BTBD10: variants seen among roughly 807,000 people sequenced by gnomAD.
The protein encoded by BTBD10 is BTB/POZ domain-containing protein 10.
BTBD10 carries 21 observed loss-of-function variants against 53.2 expected under a neutral mutation model. The ratio of observed to expected loss-of-function variants is 0.39; its 90% CI spans 0.28 to 0.57. The LOEUF is 0.57. Among genes scored for constraint, BTBD10 ranks in the 20% least tolerant of loss-of-function variants. BTBD10 has a pLI of 0.53. For synonymous variants in BTBD10, 149 were observed against 192.7 expected (o/e 0.77, Z 1.88); for missense variants, 360 against 594.7 (o/e 0.61, Z 4.10).
chr11:13,415,753 A>G (rs1047860474), intron 5 of BTBD10, among the ~76,000 whole-genome samples: 1 of 151,902 alleles, frequency 6.6e-6, no homozygotes, highest in African/African-American at 2.4e-5. Context: ...CCTTCATTCA[A>G]TCCTGTAGTA....
chr11:13,406,785 T>A (rs1037635148), intron 6 of BTBD10, among the ~76,000 whole-genome samples: 2 of 151,646 alleles, frequency 1.3e-5, no homozygotes, highest in Non-Finnish European at 2.9e-5. Flanking sequence ...AAACACTATA[T>A]AATTAACATA....
chr11:13,451,072 T>C (rs1950848467), intron 1 of BTBD10, among the ~76,000 whole-genome samples: 1 of 151,986 alleles, frequency 6.6e-6, no homozygotes, highest in Admixed American at 6.6e-5. Flanking sequence ...CAGGTAGATG[T>C]AGTGGAAGTG....
intron 6 of BTBD10, among the ~76,000 whole-genome samples, chr11:13,408,443 T>C (rs7122965): frequency 0.034 from 5,181 of 152,316 alleles, 288 homozygotes; most frequent in African/African-American, 0.12. Context: ...CTAGAATCAA[T>C]CCTTTAATAC....
chr11:13,398,998 G>A (rs1949638286), intron 8 of BTBD10, among the ~76,000 whole-genome samples: 1 of 152,082 alleles, frequency 6.6e-6, no homozygotes, highest in African/African-American at 2.4e-5. Context: ...TTTCAACTTT[G>A]GTGAATCTGA....
chr11:13,425,087 A>G (rs1190116149), intron 2 of BTBD10, among the ~76,000 whole-genome samples: 1 of 152,200 alleles, frequency 6.6e-6, no homozygotes, highest in African/African-American at 2.4e-5. Context: ...ATGTGAGGAC[A>G]CTATGAAAAG....
chr11:13,405,912 T>G, intron 6 of BTBD10, 56 bp from the exon 7 acceptor site: 1 of 1,542,828 alleles, frequency 6.5e-7, no homozygotes, highest in Non-Finnish European at 8.9e-7. Flanking sequence ...AAGAGTTCTT[T>G]TAGAAATATA....
chr11:13,392,522 A>G lies in BTBD10; in HGVS notation c.1118-3381T>C, dbSNP rs535782730. ...CCATGAGTAAATTCTACTCTTTAAT[A>G]AAGAGTAAATTATACTCTTTATTAA... On this transcript the variant is annotated intron_variant, in intron 8 of 8. Transcript: ENST00000278174. Among the ~76,000 whole-genome samples, 31 of 152,306 alleles carry G rather than the reference A, an allele frequency of 2.0e-4. No individual in the cohort carries two copies. In the East Asian group the frequency reaches 5.2e-3, roughly 26 times the overall value.
Position 13,389,078 on chromosome 11 carries a change from T to C in BTBD10, c.1181A>G (p.Asn394Ser). The C allele has an allele frequency of 1.2e-6, 2 of 1,614,108 alleles. No homozygotes were observed. The highest frequency in any genetic ancestry group is 1.1e-5 in the South Asian group (1 of 91,082). The change falls in exon 9 of 9, where the codon AAC becomes AGC. Residue 394 changes from asparagine to serine, a missense_variant. This residue lies in a region of BTBD10 where 52 missense variants were observed against 180.4 expected (regional missense o/e 0.29). Transcript: ENST00000278174. ...TCGAATAAAGGGTCTTTGGACATAG[T>C]TGTAGATCACTTCTGGGCGGCCTCC... Reference protein sequence around the residue: ...RPGGRPEVIYNYVQRPFIRMS... With the variant: ...RPGGRPEVIYSYVQRPFIRMS...
chr11:13,452,437 T>A (rs986524938), intron 1 of BTBD10, among the ~76,000 whole-genome samples: 21 of 152,172 alleles, frequency 1.4e-4, no homozygotes, highest in African/African-American at 4.3e-4. Context: ...CAGAAAGAAA[T>A]AATTTTATTG....
chr11:13,424,557 T>C (rs1188406960), intron 2 of BTBD10, among the ~76,000 whole-genome samples: 3 of 152,176 alleles, frequency 2.0e-5, no homozygotes, highest in African/African-American at 7.2e-5. Flanking sequence ...ATAGTTAATA[T>C]GTACAAAAGA....
chr11:13,412,074 G>A (rs919785079), intron 6 of BTBD10, among the ~76,000 whole-genome samples: 2 of 151,974 alleles, frequency 1.3e-5, no homozygotes, highest in Non-Finnish European at 1.5e-5. Context: ...CAGGTGATCC[G>A]ACCGCCTCTG....
chr11:13,442,610 T>C (rs1354493739), intron 2 of BTBD10, among the ~76,000 whole-genome samples: 1 of 152,152 alleles, frequency 6.6e-6, no homozygotes, highest in Non-Finnish European at 1.5e-5. Context: ...TCAAGTCTCA[T>C]TTTCACCTAC....
chr11:13,437,204 A>G (rs985244619), intron 2 of BTBD10, among the ~76,000 whole-genome samples: 8 of 152,138 alleles, frequency 5.3e-5, no homozygotes, highest in Non-Finnish European at 2.9e-5. Context: ...CAGTTACTCT[A>G]CTCTTCCATT....
intron 6 of BTBD10, among the ~76,000 whole-genome samples, chr11:13,407,122 C>A (rs1949849042): frequency 6.6e-6 from 1 of 152,230 alleles, no homozygotes; most frequent in Admixed American, 6.5e-5. Flanking sequence ...AACATACTCA[C>A]CCCTAAGAAT....
At chr11:13,397,170 A>C (rs944679565) in intron 8 of BTBD10, among the ~76,000 whole-genome samples, 51 of 152,262 alleles carry the variant, frequency 3.3e-4, no homozygotes, top group Admixed American at 7.2e-4. Flanking sequence ...CCATCTGGTC[A>C]TGGACTTTTT....
intron 2 of BTBD10, chr11:13,439,979 A>C: frequency 6.5e-7 from 1 of 1,534,936 alleles, no homozygotes; most frequent in Non-Finnish European, 8.7e-7. Flanking sequence ...ACAATGAAGC[A>C]CTGAAAGCCA....
At chr11:13,407,597 TA>T (rs1361697301) in intron 6 of BTBD10, among the ~76,000 whole-genome samples, 1 of 152,214 alleles carries the variant, frequency 6.6e-6, no homozygotes, top group African/African-American at 2.4e-5. Context: ...CAAGTCTTCT[TA>T]AACACACCTT....
At chr11:13,409,355 C>T (rs147479882) in intron 6 of BTBD10, among the ~76,000 whole-genome samples, 10 of 152,128 alleles carry the variant, frequency 6.6e-5, no homozygotes, top group African/African-American at 1.2e-4. Flanking sequence ...TTGTTTATCA[C>T]GTTTTTCCCA....
rs1451486418 is a variant in BTBD10, at chr11:13,408,041, C to A, written c.809-2185G>T. Among the ~76,000 whole-genome samples the A allele has an allele frequency of 2.0e-5, 3 of 152,184 alleles. No individual in the cohort carries two copies. The East Asian group carries it at 5.8e-4, about 29-fold the overall frequency. ...TGTGAGCCACCCCAGCCCATCAATTCTTCACAGATGAGGCCTCAGATATTG... is the reference window on the plus strand; with the variant it reads ...TGTGAGCCACCCCAGCCCATCAATTATTCACAGATGAGGCCTCAGATATTG... On this transcript the variant is annotated intron_variant, in intron 6 of 8. Coordinates refer to ENST00000278174, the MANE Select transcript of BTBD10 (RefSeq NM_032320.7).
Sources: allele counts gnomAD v4.1 joint callset (sites outside exome capture counted in the v4.1 genomes callset), GRCh38; gene constraint gnomAD v4.1.1; regional missense constraint gnomAD v4.1.1; transcripts MANE v1.5; gene names NCBI Gene and HGNC (gene_info 2026-07-23, HGNC 2026-07-21).